The following ABCA13 variants were observed in gnomAD, a reference collection of about 807,000 sequenced individuals.
ABCA13 encodes the protein ATP binding cassette subfamily A member 13.
A neutral mutation model predicts 478.7 loss-of-function variants in ABCA13; 476 were observed. The ratio of observed to expected loss-of-function variants is 0.99; its 90% CI spans 0.92 to 1.07. ABCA13 has a LOEUF of 1.07. ABCA13 is among the 50% of genes least tolerant of loss of function. The probability of loss-of-function intolerance (pLI) is 0.00; values close to 1 mark genes in which losing one functional copy is unlikely to be tolerated. For synonymous variants in ABCA13, 2,252 were observed against 2,158.9 expected (o/e 1.04, Z -1.20); for missense variants, 6,060 against 5,910.6 (o/e 1.03, Z -0.83).
chr7:48,538,163 C>T (rs1192520335), intron 55 of ABCA13, among the ~76,000 whole-genome samples: 5 of 135,684 alleles, frequency 3.7e-5, no homozygotes, highest in East Asian at 2.2e-4. Flanking sequence ...TGCAGTGGTG[C>T]GATCTCAGCT....
At chr7:48,521,627 A>G (rs894651886) in intron 53 of ABCA13, among the ~76,000 whole-genome samples, 5 of 152,082 alleles carry the variant, frequency 3.3e-5, no homozygotes, top group African/African-American at 9.7e-5. Flanking sequence ...TAAAACTGTA[A>G]TGTAGGATCC....
At chr7:48,307,839 C>A (rs1801144040) in intron 23 of ABCA13, among the ~76,000 whole-genome samples, 2 of 152,040 alleles carry the variant, frequency 1.3e-5, no homozygotes, top group African/African-American at 4.8e-5. Flanking sequence ...CGCCACCATA[C>A]CCAACTAATT....
In ABCA13 at chr7:48,644,659, T is replaced by C; in HGVS notation, c.14986T>C (p.Trp4996Arg). The part of the protein sequence containing the change: ...NLLEYHVPKR[W>R]GCLADLFKVI... ...ATTAGAATATCATGTGCCAAAAAGA[T>C]GGGGATGCCTAGCTGACTTGTTCAA... The change falls in exon 61 of 62, where the codon TGG (tryptophan) becomes CGG (arginine). Residue 4996 changes from tryptophan (W) to arginine (R), a missense_variant. Physicochemically the swap from Trp to Arg is moderately radical, Grantham distance 101. This residue lies in a region of ABCA13 where 1,627 missense variants were observed against 1,571.0 expected (regional missense o/e 1.04). Coordinates refer to ENST00000435803, the MANE Select transcript of ABCA13 (RefSeq NM_152701.5). 1 of 1,610,562 alleles carries C rather than the reference T, an allele frequency of 6.2e-7. No individual in the cohort carries two copies. The highest frequency in any genetic ancestry group is 8.5e-7 in the Non-Finnish European group (1 of 1,179,162).
At chr7:48,283,067 C>A (rs1797264894) in intron 19 of ABCA13, among the ~76,000 whole-genome samples, 1 of 152,100 alleles carries the variant, frequency 6.6e-6, no homozygotes, top group African/African-American at 2.4e-5. Context: ...ATGTTCTGGG[C>A]CTATTTTGTA....
rs199721117 is a variant in ABCA13, at chr7:48,350,676, G to T, written c.10238G>T (p.Gly3413Val). 71 of 1,613,754 alleles carry T rather than the reference G, an allele frequency of 4.4e-5. 1 individual carries two copies. In the South Asian group the frequency reaches 5.2e-4, roughly 12 times the overall value. ...CTGGATGAGATGTTTAACCATGCAG[G>T]CGCTGGACGCTTCCGTTTCTTGGGC... Reference protein sequence around the residue: ...GLLDEMFNHAGAGRFRFLGSI... With the variant: ...GLLDEMFNHAVAGRFRFLGSI... Residue 3413 changes from glycine to valine, a missense_variant, in exon 30 of 62, where the codon GGC becomes GTC. Physicochemically the swap from Gly to Val is moderately radical, Grantham distance 109. Coordinates refer to ENST00000435803, the MANE Select transcript of ABCA13 (RefSeq NM_152701.5).
intron 42 of ABCA13, among the ~76,000 whole-genome samples, chr7:48,439,900 T>G (rs1585327906): frequency 6.6e-6 from 1 of 152,130 alleles, no homozygotes; most frequent in East Asian, 1.9e-4. Context: ...TCACTCACAC[T>G]CAAGGGGAGG....
At chr7:48,373,321 G>A (rs1206911929) in intron 33 of ABCA13, among the ~76,000 whole-genome samples, 2 of 152,110 alleles carry the variant, frequency 1.3e-5, no homozygotes, top group African/African-American at 4.8e-5. Flanking sequence ...GATTCATGAC[G>A]GCCCCAGTGC....
intron 61 of ABCA13, 102 bp downstream of exon 61, chr7:48,644,856 TATTCA>T (rs767179312): frequency 2.2e-5 from 27 of 1,205,202 alleles, no homozygotes; most frequent in Non-Finnish European, 2.8e-5. Flanking sequence ...TTCACCACTT[TATTCA>T]ATTCATCTTG....
chr7:48,270,032 T>G (rs1183322019), intron 16 of ABCA13, among the ~76,000 whole-genome samples: 3 of 152,192 alleles, frequency 2.0e-5, no homozygotes, highest in Non-Finnish European at 4.4e-5. Flanking sequence ...AGTCTATATG[T>G]GCACAAGGAC....
chr7:48,225,245 C>A (rs1424795129), intron 5 of ABCA13, among the ~76,000 whole-genome samples: 1 of 133,198 alleles, frequency 7.5e-6, no homozygotes, highest in Admixed American at 7.8e-5. Flanking sequence ...TCCCTTCCAT[C>A]TTTCCTCTCT....
chr7:48,304,510 C>G (rs995077320), intron 23 of ABCA13, among the ~76,000 whole-genome samples: 1 of 152,102 alleles, frequency 6.6e-6, no homozygotes, highest in African/African-American at 2.4e-5. Context: ...TTAATAATAG[C>G]CTTTCTGACT....
intron 2 of ABCA13, among the ~76,000 whole-genome samples, chr7:48,194,281 A>G (rs1030909962): frequency 6.8e-6 from 1 of 148,072 alleles, no homozygotes; most frequent in Non-Finnish European, 1.5e-5. Flanking sequence ...GATAATGGAG[A>G]TGATGGTAAT....
chr7:48,530,442 G>A (rs1420557863), intron 55 of ABCA13, among the ~76,000 whole-genome samples: 1 of 152,016 alleles, frequency 6.6e-6, no homozygotes, highest in Non-Finnish European at 1.5e-5. Context: ...AAATTATGCT[G>A]CTATAAACGT....
At chr7:48,297,165 AT>A (rs1799494308) in intron 21 of ABCA13, 66 bp from the exon 22 acceptor site, 2 of 1,299,830 alleles carry the variant, frequency 1.5e-6, no homozygotes, top group East Asian at 5.0e-5. Flanking sequence ...AGGCAGTATT[AT>A]TCATTCCAAC....
At position 48,317,191 on chromosome 7, in the gene ABCA13, A is replaced by G. The variant is rs370598060; in HGVS notation, c.9894A>G (p.Leu3298=). The G allele has an allele frequency of 3.5e-5, 57 of 1,612,960 alleles. No individual in the cohort carries two copies. Among genetic ancestry groups the G allele is most frequent in the Non-Finnish European group, 4.6e-5 (54 of 1,179,712 alleles). Residue 3298 remains leucine, a synonymous_variant, in exon 27 of 62, where the codon CTA becomes CTG. Transcript: ENST00000435803. ...PFCLKLYQEI[L]QLPNGALVWT... ...GCTTGAAGCTTTATCAGGAAATTCT[A>G]CAATTGCCAAATGGTGCTTTGGTGT...
chr7:48,271,961 G>C lies in ABCA13; in HGVS notation c.2295G>C (p.Glu765Asp), dbSNP rs778329828. 3.7e-6 allele frequency: 6 copies of C among 1,613,316 alleles called. No individual in the cohort carries two copies. The South Asian group carries it at 6.6e-5, about 18-fold the overall frequency. ...PSFHSLPSLT[E>D]DILNISSLWT... ...TCCACAGCCTCCCATCTCTCACAGAGGATATTCTGAATATAAGTTCTCTGT... is the reference window on the plus strand; with the variant it reads ...TCCACAGCCTCCCATCTCTCACAGACGATATTCTGAATATAAGTTCTCTGT... The change falls in exon 17 of 62, where the codon GAG becomes GAC. Residue 765 changes from glutamate to aspartate, a missense_variant. Physicochemically the swap from Glu to Asp is conservative, Grantham distance 45. Coordinates refer to ENST00000435803, the MANE Select transcript of ABCA13 (RefSeq NM_152701.5).
At position 48,269,642 on chromosome 7, in the gene ABCA13, T is replaced by C. The variant is rs117234119; in HGVS notation, c.2120+548T>C. Among the ~76,000 whole-genome samples, 323 of 152,340 alleles carry C rather than the reference T, an allele frequency of 2.1e-3. 6 individuals carry two copies. The East Asian group carries it at 0.057, about 27-fold the overall frequency. ...GTGTATTGGAACATGATGGGAGAGA[T>C]GTTTTGCATAAGAGCAGTAACGCTC... On this transcript the variant is annotated intron_variant, in intron 16 of 61. Coordinates refer to ENST00000435803, the MANE Select transcript of ABCA13 (RefSeq NM_152701.5).
At chr7:48,288,539 G>A (rs1798077283) in intron 20 of ABCA13, among the ~76,000 whole-genome samples, 1 of 152,130 alleles carries the variant, frequency 6.6e-6, no homozygotes, top group Non-Finnish European at 1.5e-5. Context: ...GCTAAGTGCA[G>A]TTCTTCCCTT....
At chr7:48,632,288 T>G (rs995671793) in intron 59 of ABCA13, among the ~76,000 whole-genome samples, 2 of 152,202 alleles carry the variant, frequency 1.3e-5, no homozygotes, top group Non-Finnish European at 2.9e-5. Flanking sequence ...TCTTTATTAT[T>G]GAGTTGAGAT....
Sources: allele counts gnomAD v4.1 joint callset (sites outside exome capture counted in the v4.1 genomes callset), GRCh38; gene constraint gnomAD v4.1.1; regional missense constraint gnomAD v4.1.1; transcripts MANE v1.5; gene names NCBI Gene and HGNC (gene_info 2026-07-23, HGNC 2026-07-21).